UNC5C: variants seen among roughly 807,000 people sequenced by gnomAD.
UNC5C encodes unc-5 netrin receptor C, also known as netrin receptor UNC5C.
Under a neutral mutation model 99.8 loss-of-function variants are expected in UNC5C, and 47 were observed. The ratio of observed to expected loss-of-function variants is 0.47; its 90% CI spans 0.37 to 0.60. The LOEUF (loss-of-function observed/expected upper bound fraction) is 0.60. Among genes scored for constraint, UNC5C ranks in the 20% least tolerant of loss-of-function variants. UNC5C has a pLI of 0.00. For synonymous variants in UNC5C, 487 were observed against 452.2 expected (o/e 1.08, Z -0.98); for missense variants, 1,062 against 1,165.9 (o/e 0.91, Z 1.30).
chr4:95,191,002 G>C (rs763584900), intron 12 of UNC5C, among the ~76,000 whole-genome samples: 7 of 152,164 alleles, frequency 4.6e-5, no homozygotes, highest in Non-Finnish European at 2.9e-5. Context: ...CCACTTAAGA[G>C]CCACAATAAA....
chr4:95,189,770 G>C (rs551383367), intron 12 of UNC5C, among the ~76,000 whole-genome samples: 1 of 152,270 alleles, frequency 6.6e-6, no homozygotes, highest in East Asian at 1.9e-4. Flanking sequence ...TCAGAGAAAT[G>C]CAAATCAAAA....
chr4:95,257,350 G>A (rs762154900), intron 4 of UNC5C, among the ~76,000 whole-genome samples: 1 of 152,090 alleles, frequency 6.6e-6, no homozygotes, highest in African/African-American at 2.4e-5. Context: ...GATATAGAGA[G>A]CTATGAGTGC....
chr4:95,507,563 C>T (rs371367226), intron 1 of UNC5C, among the ~76,000 whole-genome samples: 83 of 152,088 alleles, frequency 5.5e-4, no homozygotes, highest in African/African-American at 2.0e-3. Flanking sequence ...TAGCACTTAG[C>T]GGATCCCAAG....
chr4:95,411,532 A>G (rs1745994029), intron 1 of UNC5C, among the ~76,000 whole-genome samples: 1 of 152,190 alleles, frequency 6.6e-6, no homozygotes. Flanking sequence ...TCAAAAATGA[A>G]TGTTCACATA....
intron 1 of UNC5C, among the ~76,000 whole-genome samples, chr4:95,345,123 C>T (rs551546223): frequency 8.6e-4 from 130 of 151,866 alleles, no homozygotes; most frequent in East Asian, 7.7e-4. Context: ...CACATTTCAC[C>T]TATAAAGGAA....
chr4:95,483,625 C>T (rs1416697220), intron 1 of UNC5C, among the ~76,000 whole-genome samples: 2 of 151,878 alleles, frequency 1.3e-5, no homozygotes, highest in Middle Eastern at 3.4e-3. Context: ...TTCAATTTGA[C>T]TCAGAAGCCA....
chr4:95,281,633 C>T (rs11936554), intron 3 of UNC5C, among the ~76,000 whole-genome samples: 26,347 of 152,072 alleles, frequency 0.17, 3,770 homozygotes, highest in African/African-American at 0.37. Flanking sequence ...ATTTGGAGAG[C>T]GCCAGAAGGC....
intron 9 of UNC5C, among the ~76,000 whole-genome samples, chr4:95,216,956 C>T (rs1260724264): frequency 6.6e-6 from 1 of 152,186 alleles, no homozygotes; most frequent in East Asian, 1.9e-4. Context: ...TTAGTTCAAC[C>T]AGTTGCCAGG....
At chr4:95,327,939 C>T (rs990304866) in intron 2 of UNC5C, among the ~76,000 whole-genome samples, 6 of 151,212 alleles carry the variant, frequency 4.0e-5, no homozygotes, top group South Asian at 2.1e-4. Context: ...TGACTCTTCA[C>T]GGAGCTGTTA....
chr4:95,185,007 G>A (rs1444584081), intron 13 of UNC5C, 40 bp downstream of exon 13: 1 of 1,551,740 alleles, frequency 6.4e-7, no homozygotes, highest in South Asian at 1.2e-5. Flanking sequence ...CTCTTTCTTA[G>A]AGATGTCTCC....
intron 7 of UNC5C, among the ~76,000 whole-genome samples, chr4:95,227,329 T>G (rs1738737904): frequency 1.3e-5 from 2 of 151,800 alleles, no homozygotes; most frequent in Admixed American, 1.3e-4. Context: ...TAAAAAATTT[T>G]TTTTGTAGAG....
chr4:95,262,009 C>T (rs372969092), intron 4 of UNC5C, among the ~76,000 whole-genome samples: 1 of 152,180 alleles, frequency 6.6e-6, no homozygotes, highest in African/African-American at 2.4e-5. Flanking sequence ...GTCTGCATTC[C>T]TTCTTATAAC....
intron 1 of UNC5C, among the ~76,000 whole-genome samples, chr4:95,338,887 A>G (rs1256306113): frequency 6.6e-6 from 1 of 151,990 alleles, no homozygotes; most frequent in Non-Finnish European, 1.5e-5. Context: ...CCGGTGTAGA[A>G]TGAAAGTTCA....
chr4:95,225,906 G>C (rs1381979571), intron 7 of UNC5C, among the ~76,000 whole-genome samples: 1 of 152,088 alleles, frequency 6.6e-6, no homozygotes, highest in African/African-American at 2.4e-5. Flanking sequence ...CACTTAGCAG[G>C]CTGGGAATCA....
intron 7 of UNC5C, among the ~76,000 whole-genome samples, chr4:95,226,133 GC>G (rs1346837173): frequency 6.6e-6 from 1 of 152,178 alleles, no homozygotes; most frequent in Non-Finnish European, 1.5e-5. Context: ...TTTTTCGGTT[GC>G]TACCGACAGC....
chr4:95,453,447 C>T (rs1344380862), intron 1 of UNC5C, among the ~76,000 whole-genome samples: 1 of 149,082 alleles, frequency 6.7e-6, no homozygotes, highest in African/African-American at 2.5e-5. Context: ...TCAGGAAAAT[C>T]AGACATCGGG....
chr4:95,276,242 G>T (rs1355834685), intron 4 of UNC5C, among the ~76,000 whole-genome samples: 2 of 152,114 alleles, frequency 1.3e-5, no homozygotes, highest in Non-Finnish European at 2.9e-5. Context: ...TTATTAGCCT[G>T]CTCTTGAGCA....
chr4:95,327,264 A>G (rs1393917040), intron 2 of UNC5C, among the ~76,000 whole-genome samples: 1 of 152,216 alleles, frequency 6.6e-6, no homozygotes, highest in East Asian at 1.9e-4. Flanking sequence ...GGAAAGCAAA[A>G]AGCTTTAACG....
At chr4:95,233,550 A>G (rs1231070907) in intron 7 of UNC5C, among the ~76,000 whole-genome samples, 2 of 152,024 alleles carry the variant, frequency 1.3e-5, no homozygotes, top group African/African-American at 2.4e-5. Context: ...TTGAATTGCT[A>G]TTTTCAAAAG....
Sources: allele counts gnomAD v4.1 joint callset (sites outside exome capture counted in the v4.1 genomes callset), GRCh38; gene constraint gnomAD v4.1.1; transcripts MANE v1.5; gene names NCBI Gene and HGNC (gene_info 2026-07-23, HGNC 2026-07-21).